MED27: variants seen among roughly 807,000 people sequenced by gnomAD.
The protein encoded by MED27 is mediator of RNA polymerase II transcription subunit 27.
Under a neutral mutation model 38.2 loss-of-function variants are expected in MED27, and 30 were observed. The ratio of observed to expected loss-of-function variants is 0.79; its 90% CI spans 0.59 to 1.07. The LOEUF is 1.07. Among genes scored for constraint, MED27 ranks in the 50% least tolerant of loss-of-function variants. The probability of loss-of-function intolerance (pLI) is 0.00; values close to 1 mark genes in which losing one functional copy is unlikely to be tolerated. For missense variants in MED27, 289 were observed against 397.5 expected, an observed-to-expected ratio of 0.73 and a Z score of 2.32; for synonymous variants, 122 against 153.5, an observed-to-expected ratio of 0.79 and a Z score of 1.52.
At position 131,872,994 on chromosome 9, in the gene MED27, A is replaced by G. The variant is rs915560486; in HGVS notation, c.724-9854T>C. Among the ~76,000 whole-genome samples the G allele has an allele frequency of 6.6e-6, 1 of 152,266 alleles. No individual in the cohort carries two copies. Among genetic ancestry groups the G allele is most frequent in the Non-Finnish European group, 1.5e-5 (1 of 68,040 alleles). On this transcript the variant is annotated intron_variant, in intron 6 of 7. Transcript: ENST00000292035. The surrounding 1 kb of genome is among the most constrained non-coding windows in gnomAD (Gnocchi z 5.6). ...CAGGCAGCAAAGCCAAACGTGTGCTAGGCACAGGTGCCCAGGCAGTTCCCA... is the reference window on the plus strand; with the variant it reads ...CAGGCAGCAAAGCCAAACGTGTGCTGGGCACAGGTGCCCAGGCAGTTCCCA...
At chr9:131,955,062 C>T (rs1475723563) in intron 3 of MED27, among the ~76,000 whole-genome samples, 1 of 151,978 alleles carries the variant, frequency 6.6e-6, no homozygotes, top group East Asian at 1.9e-4. Context: ...GACCATAAGC[C>T]GGGTCTCGAA....
intron 6 of MED27, among the ~76,000 whole-genome samples, chr9:131,877,924 C>T (rs1484986273): frequency 1.3e-5 from 2 of 152,086 alleles, no homozygotes; most frequent in African/African-American, 2.4e-5. Context: ...TGGTGGCCAC[C>T]GAGTAAACAG....
At chr9:132,040,354 T>C (rs1833180630) in intron 2 of MED27, among the ~76,000 whole-genome samples, 1 of 152,208 alleles carries the variant, frequency 6.6e-6, no homozygotes, top group Admixed American at 6.5e-5. Context: ...AGAAACCGCA[T>C]GGCAGGTTGC....
intron 3 of MED27, among the ~76,000 whole-genome samples, chr9:131,941,658 T>C (rs757339047): frequency 6.6e-6 from 1 of 151,948 alleles, no homozygotes; most frequent in Non-Finnish European, 1.5e-5. Flanking sequence ...AGGGAGACTT[T>C]GATATTCTTC....
intron 4 of MED27, among the ~76,000 whole-genome samples, chr9:131,903,385 A>G (rs1829990217): frequency 1.3e-5 from 2 of 152,290 alleles, no homozygotes; most frequent in South Asian, 4.1e-4. Flanking sequence ...CCCTCCCACA[A>G]CACGTGGGAA....
intron 3 of MED27, among the ~76,000 whole-genome samples, chr9:131,994,661 T>C (rs1832052280): frequency 1.3e-5 from 2 of 152,230 alleles, no homozygotes; most frequent in African/African-American, 4.8e-5. Context: ...ATCACTGATT[T>C]AGTGAATGCC....
intron 6 of MED27, among the ~76,000 whole-genome samples, chr9:131,873,094 T>C (rs1238784627): frequency 2.6e-5 from 4 of 152,212 alleles, no homozygotes; most frequent in African/African-American, 9.7e-5. Flanking sequence ...GCCCAAGAGT[T>C]TGGGTCTCTA....
At chr9:132,006,861 T>A (rs1333126781) in intron 3 of MED27, among the ~76,000 whole-genome samples, 2 of 152,188 alleles carry the variant, frequency 1.3e-5, no homozygotes, top group African/African-American at 2.4e-5. Flanking sequence ...TTGCTCTCTG[T>A]GATTCCCACT....
At chr9:132,035,463 A>G (rs1443576299) in intron 2 of MED27, among the ~76,000 whole-genome samples, 1 of 152,146 alleles carries the variant, frequency 6.6e-6, no homozygotes, top group Non-Finnish European at 1.5e-5. Context: ...TCAGTGACAA[A>G]AAGGAGGACC....
At chr9:132,033,137 G>A (rs1832999599) in intron 2 of MED27, among the ~76,000 whole-genome samples, 1 of 152,134 alleles carries the variant, frequency 6.6e-6, no homozygotes, top group Non-Finnish European at 1.5e-5. Context: ...ATAGTCTCTG[G>A]ATTTTGAGGA....
chr9:131,984,631 G>T (rs1275154854), intron 3 of MED27, among the ~76,000 whole-genome samples: 1 of 152,194 alleles, frequency 6.6e-6, no homozygotes, highest in Non-Finnish European at 1.5e-5. Flanking sequence ...AGTCAGGGAA[G>T]GTCCCTCTGA....
At position 131,898,975 on chromosome 9, in the gene MED27, C is replaced by T. The variant is rs570352499; in HGVS notation, c.574-4983G>A. On this transcript the variant is annotated intron_variant, in intron 4 of 7. Transcript: ENST00000292035. Reference sequence around the variant, plus strand: ...GGTCTCGGCTCTGCTGTTGGAAAGCCTGGCCTAGCTACCTACCTTCTCTGA... The same window carrying T: ...GGTCTCGGCTCTGCTGTTGGAAAGCTTGGCCTAGCTACCTACCTTCTCTGA... Among the ~76,000 whole-genome samples the T allele has an allele frequency of 6.7e-4, 102 of 152,322 alleles. 3 individuals carry two copies. In the South Asian group the frequency reaches 0.011, roughly 17 times the overall value.
chr9:131,991,130 C>A (rs1831962552), intron 3 of MED27, among the ~76,000 whole-genome samples: 1 of 152,122 alleles, frequency 6.6e-6, no homozygotes, highest in Non-Finnish European at 1.5e-5. Flanking sequence ...CTACTTGTAC[C>A]CAAATATCTT....
At chr9:132,068,464 A>T (rs886231950) in intron 2 of MED27, among the ~76,000 whole-genome samples, 1 of 152,132 alleles carries the variant, frequency 6.6e-6, no homozygotes, top group Non-Finnish European at 1.5e-5. Context: ...AATAGATTAG[A>T]AAGGGTAGAC....
intron 2 of MED27, among the ~76,000 whole-genome samples, chr9:132,021,213 T>C (rs1832710976): frequency 6.6e-6 from 1 of 152,204 alleles, no homozygotes; most frequent in African/African-American, 2.4e-5. Flanking sequence ...GTTGTTTAGA[T>C]TGTTCTACTG....
intron 2 of MED27, among the ~76,000 whole-genome samples, chr9:132,026,959 TC>T (rs1832836811): frequency 6.6e-6 from 1 of 152,208 alleles, no homozygotes; most frequent in Admixed American, 6.5e-5. Flanking sequence ...AGGACTGGTA[TC>T]CGGGGAGCCT....
intron 5 of MED27, among the ~76,000 whole-genome samples, chr9:131,892,269 A>G (rs1386523284): frequency 6.6e-6 from 1 of 152,212 alleles, no homozygotes; most frequent in East Asian, 1.9e-4. Flanking sequence ...CTGAGACTCT[A>G]TATTTCAAGA....
chr9:131,943,221 T>C (rs1363236342), intron 3 of MED27, among the ~76,000 whole-genome samples: 1 of 152,214 alleles, frequency 6.6e-6, no homozygotes, highest in Non-Finnish European at 1.5e-5. Context: ...AGGAAAACAA[T>C]GTCTAAATTC....
intron 3 of MED27, among the ~76,000 whole-genome samples, chr9:132,011,949 CTTTT>C (rs55947789): frequency 6.5e-5 from 9 of 138,548 alleles, no homozygotes; most frequent in Admixed American, 2.1e-4. Context: ...ACCTCTCGCT[CTTTT>C]TTTTTTTTTT....
Sources: allele counts gnomAD v4.1 joint callset (sites outside exome capture counted in the v4.1 genomes callset), GRCh38; gene constraint gnomAD v4.1.1; non-coding constraint Gnocchi (gnomAD v3.1); transcripts MANE v1.5; gene names NCBI Gene and HGNC (gene_info 2026-07-23, HGNC 2026-07-21).